GRM3: variants seen among roughly 807,000 people sequenced by gnomAD.
GRM3 encodes the protein glutamate metabotropic receptor 3.
A neutral mutation model predicts 70.5 loss-of-function variants in GRM3; 26 were observed. The observed-to-expected ratio is 0.37, with a 90% CI of 0.27 to 0.51. The LOEUF (loss-of-function observed/expected upper bound fraction) is 0.51, where lower values mean the gene tolerates loss of function less well. Ranked by LOEUF, GRM3 falls within the 20% of genes least tolerant of loss-of-function variation. GRM3 has a pLI of 0.93. For missense variants in GRM3, 859 were observed against 1,123.8 expected, an observed-to-expected ratio of 0.76 and a Z score of 3.37; for synonymous variants, 443 against 434.9, an observed-to-expected ratio of 1.02 and a Z score of -0.23.
intron 2 of GRM3, among the ~76,000 whole-genome samples, chr7:86,779,640 G>A (rs1340808071): frequency 1.3e-5 from 2 of 152,188 alleles, no homozygotes; most frequent in Admixed American, 1.3e-4. Context: ...TTAGTACCAT[G>A]AGAGAAACAC....
At position 86,825,766 on chromosome 7, in the gene GRM3, G is replaced by A. The variant is rs1320929720; in HGVS notation, c.1325-13073G>A. On this transcript the variant is annotated intron_variant, in intron 3 of 5. Coordinates refer to ENST00000361669, the MANE Select transcript of GRM3 (RefSeq NM_000840.3). ...GGTTTGCTTAAACATGGGAAAGCTC[G>A]TTTTATTAAGTATCCTTGATACTGT... Among the ~76,000 whole-genome samples the A allele has an allele frequency of 2.0e-5, 3 of 152,254 alleles. No individual in the cohort carries two copies. In the South Asian group the frequency reaches 6.2e-4, roughly 32 times the overall value.
intron 3 of GRM3, among the ~76,000 whole-genome samples, chr7:86,799,091 A>T (rs186306314): frequency 2.6e-5 from 4 of 152,200 alleles, no homozygotes; most frequent in Admixed American, 1.3e-4. Context: ...CTGTATTCCT[A>T]GGTATTTTTT....
chr7:86,721,335 G>T (rs1562837980), intron 1 of GRM3, among the ~76,000 whole-genome samples: 1 of 151,980 alleles, frequency 6.6e-6, no homozygotes, highest in Non-Finnish European at 1.5e-5. Context: ...GAAATACCAA[G>T]TAAGAGAAAA....
intron 3 of GRM3, among the ~76,000 whole-genome samples, chr7:86,816,896 T>C (rs1798027460): frequency 6.6e-6 from 1 of 151,600 alleles, no homozygotes; most frequent in African/African-American, 2.4e-5. Flanking sequence ...TAGCAGTGTA[T>C]TTAAACTGAC....
At chr7:86,775,106 A>G (rs1234571558) in intron 2 of GRM3, 1 of 152,110 alleles carries the variant, frequency 6.6e-6, no homozygotes, top group Non-Finnish European at 1.5e-5. Flanking sequence ...AACAATGTTT[A>G]TTTAACTGAC....
chr7:86,645,977 T>TGGTG (rs1793451480), intron 1 of GRM3, among the ~76,000 whole-genome samples: 1 of 9,740 alleles, frequency 1.0e-4, no homozygotes, highest in Admixed American at 1.4e-3. Context: ...TGTTTCTTTG[T>TGGTG]GGTGGGCGGG....
intron 3 of GRM3, among the ~76,000 whole-genome samples, chr7:86,829,305 C>G (rs992237475): frequency 6.6e-6 from 1 of 152,212 alleles, no homozygotes; most frequent in South Asian, 2.1e-4. Context: ...TCTATCCAGA[C>G]AAGTAAAACT....
intron 3 of GRM3, among the ~76,000 whole-genome samples, chr7:86,816,112 G>T (rs1056098224): frequency 1.3e-5 from 2 of 151,836 alleles, no homozygotes; most frequent in Non-Finnish European, 2.9e-5. Flanking sequence ...CATGGAGAAG[G>T]TGGCCTCTGA....
rs187832278 is a variant in GRM3, at chr7:86,796,653, T to G, written c.1324+9537T>G. 2.2e-4 allele frequency among the ~76,000 whole-genome samples: 33 copies of G among 152,336 alleles called. No homozygotes were observed. The East Asian group carries it at 6.4e-3, about 29-fold the overall frequency. On this transcript the variant is annotated intron_variant, in intron 3 of 5. Transcript: ENST00000361669. ...TGAATCTATAAATTACTTTGGGCAG[T>G]GTGGCCATCTTCACGATACTGATTC... is the stretch of plus-strand genomic sequence containing the variant.
intron 3 of GRM3, among the ~76,000 whole-genome samples, chr7:86,805,567 T>C (rs1797773382): frequency 6.6e-6 from 1 of 152,108 alleles, no homozygotes; most frequent in Non-Finnish European, 1.5e-5. Flanking sequence ...GCCCTAAGAC[T>C]CCCCTGTGCT....
intron 1 of GRM3, among the ~76,000 whole-genome samples, chr7:86,665,883 G>C (rs540156434): frequency 6.6e-6 from 1 of 151,978 alleles, no homozygotes. Flanking sequence ...AGTGTCAGAC[G>C]TTTACTTACA....
At chr7:86,800,671 T>A (rs1479002477) in intron 3 of GRM3, among the ~76,000 whole-genome samples, 3 of 152,056 alleles carry the variant, frequency 2.0e-5, no homozygotes, top group Non-Finnish European at 4.4e-5. Flanking sequence ...AAAGAAAGAC[T>A]AGAACTAGAT....
At chr7:86,835,336 A>G (rs1223620612) in intron 3 of GRM3, among the ~76,000 whole-genome samples, 1 of 152,204 alleles carries the variant, frequency 6.6e-6, no homozygotes, top group Non-Finnish European at 1.5e-5. Context: ...CTCATACTTT[A>G]AAGTAAATTT....
At chr7:86,810,983 G>C (rs1413115808) in intron 3 of GRM3, among the ~76,000 whole-genome samples, 1 of 151,638 alleles carries the variant, frequency 6.6e-6, no homozygotes, top group Non-Finnish European at 1.5e-5. Context: ...TTGACCTGGG[G>C]GACCATTTTT....
At chr7:86,781,140 G>A (rs966298676) in intron 2 of GRM3, among the ~76,000 whole-genome samples, 1 of 151,940 alleles carries the variant, frequency 6.6e-6, no homozygotes, top group Non-Finnish European at 1.5e-5. Flanking sequence ...ATGCCCTGAG[G>A]ATTAAATGAG....
intron 5 of GRM3, among the ~76,000 whole-genome samples, chr7:86,855,889 C>T (rs1798836828): frequency 6.6e-6 from 1 of 152,138 alleles, no homozygotes. Context: ...CGAAAAACAG[C>T]ATCATGTGCC....
chr7:86,827,509 A>G lies in GRM3; in HGVS notation c.1325-11330A>G, dbSNP rs578088270. Among the ~76,000 whole-genome samples, 13 of 150,716 alleles carry G rather than the reference A, an allele frequency of 8.6e-5. No individual in the cohort carries two copies. The South Asian group carries it at 2.3e-3, about 27-fold the overall frequency. On this transcript the variant is annotated intron_variant, in intron 3 of 5. Coordinates refer to ENST00000361669, the MANE Select transcript of GRM3 (RefSeq NM_000840.3). Reference sequence around the variant, plus strand: ...TATCTGGAAAATATAAAAAACTCATATAAATCACTTTTTTTTTTTTTGAGA... The same window carrying G: ...TATCTGGAAAATATAAAAAACTCATGTAAATCACTTTTTTTTTTTTTGAGA...
intron 1 of GRM3, among the ~76,000 whole-genome samples, chr7:86,747,644 G>T (rs547281221): frequency 6.6e-6 from 1 of 152,162 alleles, no homozygotes; most frequent in South Asian, 2.1e-4. Flanking sequence ...ATCAGTTCTG[G>T]TTGCCTATTT....
At chr7:86,793,016 C>CTTTT (rs140134217) in intron 3 of GRM3, among the ~76,000 whole-genome samples, 17 of 94,350 alleles carry the variant, frequency 1.8e-4, no homozygotes, top group Non-Finnish European at 2.9e-4. Context: ...GGTTGGTTGC[C>CTTTT]TTTTTTTTTT....
Sources: allele counts gnomAD v4.1 joint callset (sites outside exome capture counted in the v4.1 genomes callset), GRCh38; gene constraint gnomAD v4.1.1; transcripts MANE v1.5; gene names NCBI Gene and HGNC (gene_info 2026-07-23, HGNC 2026-07-21).